Variants in UBE3C observed in about 807,000 individuals in gnomAD.
The protein encoded by UBE3C is ubiquitin protein ligase E3C, also known as ubiquitin-protein ligase E3C.
In UBE3C, 42 loss-of-function variants were observed where a neutral mutation model predicts 129.4. The observed-to-expected ratio is 0.32, with a 90% confidence interval of 0.25 to 0.42. The LOEUF (loss-of-function observed/expected upper bound fraction) is 0.42, where lower values mean the gene tolerates loss of function less well. Among genes scored for constraint, UBE3C ranks in the 10% least tolerant of loss-of-function variants. The pLI, the probability that UBE3C is intolerant of heterozygous loss-of-function variation, is 1.00. For synonymous variants in UBE3C, 510 were observed against 492.4 expected, an observed-to-expected ratio of 1.04 and a Z score of -0.47; for missense variants, 1,049 against 1,319.1, an observed-to-expected ratio of 0.80 and a Z score of 3.17.
At chr7:157,150,542 A>G (rs537488743) in intron 1 of UBE3C, among the ~76,000 whole-genome samples, 6 of 152,330 alleles carry the variant, frequency 3.9e-5, no homozygotes, top group Non-Finnish European at 5.9e-5. Context: ...AAATACTGAA[A>G]CAGCCTACAT....
At chr7:157,152,964 G>C (rs892314048) in intron 1 of UBE3C, among the ~76,000 whole-genome samples, 6 of 152,200 alleles carry the variant, frequency 3.9e-5, no homozygotes, top group Non-Finnish European at 7.3e-5. Context: ...GGGAGGCTGA[G>C]GGGGGTGGAT....
At position 157,183,824 on chromosome 7, in the gene UBE3C, A is replaced by AT. The variant is rs1206729449; in HGVS notation, c.992-50dup. ...AGGAAAAATGGCGTCTTCGTTTTCC[A>AT]TTTTAAAAAATAATGTTTAACTAAA... On this transcript the variant is annotated intron_variant, in intron 8 of 22. Transcript: ENST00000348165. 1.9e-6 allele frequency: 3 copies of AT among 1,562,918 alleles called. No individual in the cohort carries two copies. The East Asian group carries it at 6.8e-5, about 35-fold the overall frequency.
chr7:157,197,809 A>G (rs1809164767), intron 10 of UBE3C: 1 of 1,613,216 alleles, frequency 6.2e-7, no homozygotes, highest in Non-Finnish European at 8.5e-7. Flanking sequence ...CCATCTGCTA[A>G]CCTGATTTGA....
At chr7:157,165,978 G>C (rs1478310509) in intron 2 of UBE3C, among the ~76,000 whole-genome samples, 2 of 152,212 alleles carry the variant, frequency 1.3e-5, no homozygotes, top group East Asian at 3.9e-4. Context: ...TTTGACTTTA[G>C]ATAGTCTGAT....
chr7:157,207,710 T>C lies in UBE3C; in HGVS notation c.1584T>C (p.Gly528=). The C allele has an allele frequency of 1.9e-6, 3 of 1,613,034 alleles. No homozygotes were observed. Among genetic ancestry groups the C allele is most frequent in the Middle Eastern group, 1.7e-4 (1 of 6,052 alleles). The part of the protein sequence containing the change: ...EFFGDPIEVV[G]QRQSSMMPFT... Reference sequence around the variant, plus strand: ...CTGGATTGTGTTTTTTAGTTGTAGGTCAAAGACAATCATCAATGATGCCTT... The same window carrying C: ...CTGGATTGTGTTTTTTAGTTGTAGGCCAAAGACAATCATCAATGATGCCTT... The change falls in exon 13 of 23, where the codon GGT becomes GGC. Residue 528 remains glycine, a synonymous_variant. Transcript: ENST00000348165.
chr7:157,158,224 A>G (rs1433377091), intron 1 of UBE3C, among the ~76,000 whole-genome samples: 2 of 152,038 alleles, frequency 1.3e-5, no homozygotes, highest in Admixed American at 6.6e-5. Flanking sequence ...GGCTGCGAAG[A>G]AAATTCAAAG....
rs1563047154 is a variant in UBE3C, at chr7:157,186,939, G to A, written c.1249G>A (p.Ala417Thr). 7.4e-6 allele frequency: 12 copies of A among 1,613,914 alleles called. No individual in the cohort carries two copies. Among genetic ancestry groups the A allele is most frequent in the Non-Finnish European group, 1.0e-5 (12 of 1,179,988 alleles). Residue 417 changes from alanine (A) to threonine (T), a missense_variant, in exon 10 of 23, where the codon GCG (alanine) becomes ACG (threonine). Around this residue, in one of 4 missense-constraint regions of UBE3C, gnomAD observed 489 missense variants for 513.8 expected, o/e 0.95. Transcript: ENST00000348165. ...GCTCAACCTGGTGTGGAGGGACTCT[G>A]CGAGCGAGGAGGTCTTCACCACCAT... ...TLLNLVWRDS[A>T]SEEVFTTMAS...
chr7:157,139,229 T>C lies in UBE3C; in HGVS notation c.-44T>C. The C allele has an allele frequency of 7.0e-7, 1 of 1,418,872 alleles. No individual in the cohort carries two copies. The highest frequency in any genetic ancestry group is 9.2e-7 in the Non-Finnish European group (1 of 1,081,270). The allele number at this position is 1,418,872 out of a possible 1,614,324, so 87.9% of individuals were successfully genotyped here. A position where few individuals can be genotyped will look rare whatever the true frequency, so the allele number is the denominator to read the frequency against. On this transcript the variant is annotated 5_prime_UTR_variant, in exon 1 of 23. Coordinates refer to ENST00000348165, the MANE Select transcript of UBE3C (RefSeq NM_014671.3). ...CCGCCCCGTGCCCCGCCCGCCCGGC[T>C]GCTTCCGCGGCGGCGCTGCCCGCAC... is the stretch of plus-strand genomic sequence containing the variant.
chr7:157,232,367 T>G (rs987131494), intron 18 of UBE3C, among the ~76,000 whole-genome samples: 6 of 152,196 alleles, frequency 3.9e-5, no homozygotes, highest in Non-Finnish European at 7.3e-5. Context: ...TTTGTTTGTT[T>G]GTTTGAGACG....
At chr7:157,254,855 T>C (rs183327271) in intron 21 of UBE3C, among the ~76,000 whole-genome samples, 5 of 151,984 alleles carry the variant, frequency 3.3e-5, no homozygotes, top group Non-Finnish European at 7.4e-5. Context: ...GCCTGGGCAA[T>C]GTGGCGAAAT....
At chr7:157,245,121 C>T (rs1271710513) in intron 18 of UBE3C, among the ~76,000 whole-genome samples, 1 of 152,092 alleles carries the variant, frequency 6.6e-6, no homozygotes, top group Non-Finnish European at 1.5e-5. Context: ...TTTATTAGTG[C>T]TTGTATATTA....
chr7:157,140,773 T>C (rs1807421998), intron 1 of UBE3C, among the ~76,000 whole-genome samples: 1 of 152,206 alleles, frequency 6.6e-6, no homozygotes, highest in Non-Finnish European at 1.5e-5. Context: ...AGTGCATCTC[T>C]GCTCTGAGGG....
chr7:157,262,649 G>A (rs1350186644), intron 22 of UBE3C, among the ~76,000 whole-genome samples: 1 of 152,024 alleles, frequency 6.6e-6, no homozygotes. Flanking sequence ...TCGAACTCCT[G>A]ACCTCCGGTG....
At chr7:157,220,930 A>C in intron 15 of UBE3C, 154 bp downstream of exon 15, 1 of 835,220 alleles carries the variant, frequency 1.2e-6, no homozygotes, top group African/African-American at 1.7e-5. Flanking sequence ...CACCCACAAA[A>C]TTGCCTCTAG....
intron 10 of UBE3C, among the ~76,000 whole-genome samples, chr7:157,194,659 G>A (rs925425295): frequency 1.3e-5 from 2 of 152,292 alleles, no homozygotes; most frequent in Admixed American, 1.3e-4. Flanking sequence ...GTATAGCAGA[G>A]AATACCTCGA....
rs188984495 is a variant in UBE3C at position 157,198,323 on chromosome 7, C to T, written c.1332-3398C>T. On this transcript the variant is annotated intron_variant, in intron 10 of 22. Coordinates refer to ENST00000348165, the MANE Select transcript of UBE3C (RefSeq NM_014671.3). ...AGGTCTGTCAGACTTGGAAGATTTG[C>T]GCTTCACTTCATCTTCATACAGTTC... 1.4e-3 allele frequency: 1,096 copies of T among 807,500 alleles called. 2 individuals carry two copies. Among genetic ancestry groups the T allele is most frequent in the Middle Eastern group, 1.8e-3 (7 of 3,964 alleles). The allele number at this position is 807,500 out of a possible 1,614,324, so 50.0% of individuals were successfully genotyped here. A position where few individuals can be genotyped will look rare whatever the true frequency, so the allele number is the denominator to read the frequency against.
intron 11 of UBE3C, among the ~76,000 whole-genome samples, chr7:157,202,288 G>A (rs559752377): frequency 1.8e-4 from 28 of 152,306 alleles, no homozygotes; most frequent in African/African-American, 6.5e-4. Context: ...GTAATAGGTA[G>A]GAATTTCATA....
chr7:157,173,232 C>G (rs1387277027), intron 4 of UBE3C, among the ~76,000 whole-genome samples: 1 of 152,094 alleles, frequency 6.6e-6, no homozygotes, highest in African/African-American at 2.4e-5. Flanking sequence ...AATAAATTAG[C>G]TGGCTGCGGT....
intron 2 of UBE3C, among the ~76,000 whole-genome samples, chr7:157,168,604 C>G (rs1019119617): frequency 6.6e-6 from 1 of 152,220 alleles, no homozygotes; most frequent in Non-Finnish European, 1.5e-5. Context: ...GAACATTACT[C>G]TTACTTAGCC....
Sources: allele counts gnomAD v4.1 joint callset (sites outside exome capture counted in the v4.1 genomes callset), GRCh38; gene constraint gnomAD v4.1.1; regional missense constraint gnomAD v4.1.1; transcripts MANE v1.5; gene names NCBI Gene and HGNC (gene_info 2026-07-23, HGNC 2026-07-21).